The following MARK4 variants were observed in gnomAD, a reference collection of about 807,000 sequenced individuals.
The protein encoded by MARK4 is microtubule affinity regulating kinase 4.
Under a neutral mutation model 81.5 loss-of-function variants are expected in MARK4, and 19 were observed. The observed-to-expected ratio is 0.23, with a 90% CI of 0.16 to 0.34. The LOEUF (loss-of-function observed/expected upper bound fraction) is 0.34, where lower values mean the gene tolerates loss of function less well. MARK4 is among the 10% of genes least tolerant of loss of function. MARK4 has a pLI of 1.00. For missense variants in MARK4, 772 were observed against 1,058.8 expected (o/e 0.73, Z 3.76); for synonymous variants, 436 against 439.0 (o/e 0.99, Z 0.08).
At chr19:45,284,287 C>T (rs1054059990) in intron 12 of MARK4, among the ~76,000 whole-genome samples, 2 of 151,480 alleles carry the variant, frequency 1.3e-5, no homozygotes, top group Non-Finnish European at 1.5e-5. Flanking sequence ...GGATTGCAGG[C>T]GTGAGCCACT....
Position 45,283,219 on chromosome 19 carries a change from G to A in MARK4, c.1276+2485G>A, listed in dbSNP as rs140242777. On this transcript the variant is annotated intron_variant, in intron 12 of 16. Transcript: ENST00000262891. ...GAGCGCAGGAGTTCGAGACCACTGG[G>A]CAACATGGCGAAACCCCATCTCCAC... Among the ~76,000 whole-genome samples the A allele has an allele frequency of 2.7e-3, 406 of 151,836 alleles. 4 individuals carry two copies. Among genetic ancestry groups the A allele is most frequent in the African/African-American group, 9.1e-3 (377 of 41,426 alleles).
rs139074731 is a variant in MARK4 at position 45,286,914 on chromosome 19, A to G, written c.1277-533A>G. Among the ~76,000 whole-genome samples, 30 of 152,240 alleles carry G rather than the reference A, an allele frequency of 2.0e-4. No homozygotes were observed. The East Asian group carries it at 5.8e-3, about 29-fold the overall frequency. ...TGCCTTTTCTACTTTCCAGTCCGTC[A>G]TGAAGATCATTCTGTACTGGTGCAT... On this transcript the variant is annotated intron_variant, in intron 12 of 16. Coordinates refer to ENST00000262891, the MANE Select transcript of MARK4 (RefSeq NM_001199867.2).
chr19:45,277,876 G>A, intron 8 of MARK4, 47 bp from the exon 9 acceptor site: 3 of 1,565,480 alleles, frequency 1.9e-6, no homozygotes, highest in South Asian at 1.2e-5. Flanking sequence ...TGTGTAATAG[G>A]TGGGGGGCGG....
At chr19:45,279,404 C>T (rs999585747) in intron 10 of MARK4, among the ~76,000 whole-genome samples, 7 of 152,182 alleles carry the variant, frequency 4.6e-5, no homozygotes, top group African/African-American at 1.7e-4. Flanking sequence ...GTAATCCCAG[C>T]TCCTCTGGAG....
At position 45,271,362 on chromosome 19, in the gene MARK4, G is replaced by A. The variant is rs1270268329; in HGVS notation, c.550-110G>A. ...TAGAGAGTAAAGGACAGGCCCAAGA[G>A]TTGATCCCTGTGGGCCAGCCCTAGA... is the stretch of plus-strand genomic sequence containing the variant. On this transcript the variant is annotated intron_variant, in intron 7 of 16. Coordinates refer to ENST00000262891, the MANE Select transcript of MARK4 (RefSeq NM_001199867.2). The surrounding 1 kb of genome is among the most constrained non-coding windows in gnomAD (Gnocchi z 4.1). 18 of 1,048,924 alleles carry A rather than the reference G, an allele frequency of 1.7e-5. No homozygotes were observed. The Admixed American group carries it at 3.6e-4, about 21-fold the overall frequency. 65.0% of individuals were successfully genotyped at this position (1,048,924 alleles called of 1,614,324 possible).
At chr19:45,284,214 G>C (rs944178045) in intron 12 of MARK4, among the ~76,000 whole-genome samples, 1 of 151,960 alleles carries the variant, frequency 6.6e-6, no homozygotes, top group African/African-American at 2.4e-5. Flanking sequence ...CACCGTGTTG[G>C]CCTGGCTGGT....
Position 45,302,310 on chromosome 19 carries a change from C to A in MARK4, c.1923-64C>A. The A allele has an allele frequency of 1.9e-6, 3 of 1,609,710 alleles. No individual in the cohort carries two copies. On this transcript the variant is annotated intron_variant, in intron 16 of 16. Coordinates refer to ENST00000262891, the MANE Select transcript of MARK4 (RefSeq NM_001199867.2). This position sits in a 1 kb window ranked among gnomAD's most constrained non-coding sequence, Gnocchi z 4.9. ...TGTCCCGAATTGGGAAGAGTTGTCC[C>A]TTCAGCCCTCCACCACATTCCTCTT...
chr19:45,282,642 A>T (rs1970691211), intron 12 of MARK4, among the ~76,000 whole-genome samples: 1 of 152,128 alleles, frequency 6.6e-6, no homozygotes, highest in Non-Finnish European at 1.5e-5. Context: ...CCTGGCCAAG[A>T]TGGTGAAACC....
In MARK4 at chr19:45,263,441, G is replaced by C; in HGVS notation, c.355+74G>C. On this transcript the variant is annotated intron_variant, in intron 4 of 16. Coordinates refer to ENST00000262891, the MANE Select transcript of MARK4 (RefSeq NM_001199867.2). ...AAAGGAGTTGGGGGTGGTGGCAGTG[G>C]TTAGAATAGTTGGAGACCCACCAGG... 1.4e-5 allele frequency: 23 copies of C among 1,593,014 alleles called. 2 individuals carry two copies. In the Middle Eastern group the frequency reaches 1.9e-3, roughly 128 times the overall value.
chr19:45,261,398 C>T (rs1970379023), intron 2 of MARK4, among the ~76,000 whole-genome samples: 1 of 152,162 alleles, frequency 6.6e-6, no homozygotes, highest in South Asian at 2.1e-4. Context: ...GTTCTTTTCC[C>T]TTTGACAATT....
At chr19:45,299,159 GATGAGGTGGCTCAGGCCAGCA>G (rs1294557621) in intron 15 of MARK4, among the ~76,000 whole-genome samples, 1 of 151,936 alleles carries the variant, frequency 6.6e-6, no homozygotes, top group Non-Finnish European at 1.5e-5. Flanking sequence ...CAGGCCTCTG[GATGAGGTGGCTCAGGCCAGCA>G]ATCCCAGCAC....
chr19:45,252,272 C>A (rs888788872), intron 1 of MARK4, among the ~76,000 whole-genome samples: 6 of 152,106 alleles, frequency 3.9e-5, no homozygotes, highest in Admixed American at 2.6e-4. Flanking sequence ...AGGCCTGGTC[C>A]CCATCTTCCA....
At chr19:45,277,528 G>C (rs1055554354) in intron 8 of MARK4, among the ~76,000 whole-genome samples, 1 of 147,962 alleles carries the variant, frequency 6.8e-6, no homozygotes, top group East Asian at 2.0e-4. Flanking sequence ...GCCTCCCAAC[G>C]TGTTTGGATT....
intron 12 of MARK4, among the ~76,000 whole-genome samples, chr19:45,287,240 C>G (rs1372397048): frequency 6.6e-6 from 1 of 150,922 alleles, no homozygotes; most frequent in Non-Finnish European, 1.5e-5. Flanking sequence ...CAATGAATGG[C>G]CTGTATGTGC....
intron 8 of MARK4, among the ~76,000 whole-genome samples, chr19:45,276,687 G>A (rs1207947753): frequency 1.3e-5 from 2 of 149,756 alleles, no homozygotes; most frequent in African/African-American, 2.5e-5. Flanking sequence ...GTGCAGTGGC[G>A]CAGTCTCGGC....
At chr19:45,274,578 C>T (rs1970574695) in intron 8 of MARK4, among the ~76,000 whole-genome samples, 1 of 152,066 alleles carries the variant, frequency 6.6e-6, no homozygotes, top group African/African-American at 2.4e-5. Flanking sequence ...TTGTAGTGAG[C>T]CGAGATCACA....
chr19:45,282,022 G>C (rs1257574893), intron 12 of MARK4, among the ~76,000 whole-genome samples: 3 of 151,966 alleles, frequency 2.0e-5, no homozygotes, highest in African/African-American at 7.3e-5. Context: ...TTGGGAGTTT[G>C]AGACCGGCCT....
At chr19:45,278,424 G>C in intron 9 of MARK4, 92 bp from the exon 10 acceptor site, 1 of 1,117,996 alleles carries the variant, frequency 8.9e-7, no homozygotes, top group Non-Finnish European at 1.4e-6. Context: ...CTGGGTGTTA[G>C]GCCTCGGAGG....
chr19:45,283,770 G>A (rs532511707), intron 12 of MARK4, among the ~76,000 whole-genome samples: 2 of 152,206 alleles, frequency 1.3e-5, no homozygotes, highest in East Asian at 1.9e-4. Context: ...GTGTTTTGCC[G>A]TCATTTCTCT....
Sources: gnomAD v4.1 joint callset for allele counts (sites outside exome capture counted in the v4.1 genomes callset) on GRCh38, gnomAD v4.1.1 for gene constraint, Gnocchi (gnomAD v3.1) non-coding constraint, MANE v1.5 for transcripts, NCBI Gene and HGNC (gene_info 2026-07-23, HGNC 2026-07-21) for gene names.